The following MORN1 variants were observed in gnomAD, a reference collection of about 807,000 sequenced individuals.
MORN1 encodes the protein MORN repeat-containing protein 1.
MORN1 carries 67 observed loss-of-function variants against 61.9 expected under a neutral mutation model. The observed-to-expected ratio is 1.08, with a 90% CI of 0.89 to 1.33. The LOEUF is 1.33. Ranked by LOEUF, MORN1 falls within the 40% of genes most tolerant of loss-of-function variation. MORN1 has a pLI of 0.00. For synonymous variants in MORN1, 301 were observed against 292.0 expected, an observed-to-expected ratio of 1.03 and a Z score of -0.31; for missense variants, 752 against 691.2, an observed-to-expected ratio of 1.09 and a Z score of -0.99.
intron 4 of MORN1, chr1:2,386,100 G>C (rs559390948): frequency 1.7e-6 from 1 of 579,572 alleles, no homozygotes; most frequent in Non-Finnish European, 3.1e-6. Flanking sequence ...GGCTCTGAAC[G>C]GGAAGGGCAG....
chr1:2,361,249 C>A (rs2840540), intron 8 of MORN1, among the ~76,000 whole-genome samples: 1 of 152,044 alleles, frequency 6.6e-6, no homozygotes, highest in Non-Finnish European at 1.5e-5. Flanking sequence ...TAAATAGACA[C>A]ACAGAAGATA....
chr1:2,335,846 C>CGCAGCCCA (rs1553208714), intron 12 of MORN1, among the ~76,000 whole-genome samples: 4 of 149,930 alleles, frequency 2.7e-5, no homozygotes, highest in African/African-American at 1.0e-4. Context: ...CCCAGCCCAG[C>CGCAGCCCA]GCGCAGCTGC....
chr1:2,345,172 G>T (rs547600675), intron 10 of MORN1, among the ~76,000 whole-genome samples: 43 of 152,358 alleles, frequency 2.8e-4, no homozygotes, highest in South Asian at 2.1e-3. Flanking sequence ...GCTCACCTGC[G>T]CTCATGGATG....
At chr1:2,369,013 C>T (rs1408543919) in intron 8 of MORN1, among the ~76,000 whole-genome samples, 1 of 147,500 alleles carries the variant, frequency 6.8e-6, no homozygotes, top group East Asian at 2.0e-4. Flanking sequence ...GCTGAGATTG[C>T]ACCACTGCAC....
intron 10 of MORN1, among the ~76,000 whole-genome samples, chr1:2,346,916 C>T (rs868227812): frequency 1.7e-4 from 26 of 152,344 alleles, no homozygotes; most frequent in Admixed American, 6.5e-4. Flanking sequence ...CCCGGCCCAG[C>T]TCCCACTAGC....
chr1:2,390,468 A>G, intron 1 of MORN1: 1 of 985,432 alleles, frequency 1.0e-6, no homozygotes. Flanking sequence ...CTCATACCCA[A>G]GGATGGCCTG....
intron 10 of MORN1, among the ~76,000 whole-genome samples, chr1:2,353,329 G>A (rs1442210970): frequency 2.6e-5 from 4 of 152,242 alleles, no homozygotes; most frequent in Non-Finnish European, 5.9e-5. Context: ...GCTAAAGCCG[G>A]CCCCCCTGTC....
chr1:2,385,876 C>T lies in MORN1; in HGVS notation c.380G>A (p.Arg127Gln), dbSNP rs558330061. 5.1e-5 allele frequency: 82 copies of T among 1,613,948 alleles called. No homozygotes were observed. The South Asian group carries it at 5.8e-4, about 11-fold the overall frequency. ...MREGHGFLVD[R>Q]DGQVYQGSFH... ...GGAGCCCTGGTACACTTGTCCATCC[C>T]GGTCCACCAGAAACCCGTGTCCTGG... is the stretch of plus-strand genomic sequence containing the variant. The change falls in exon 5 of 14, where the codon CGG becomes CAG. Residue 127 changes from arginine to glutamine, a missense_variant. Arg to Gln is a conservative substitution (Grantham distance 43, BLOSUM62 1). Coordinates refer to ENST00000378531, the MANE Select transcript of MORN1 (RefSeq NM_024848.3).
intron 8 of MORN1, among the ~76,000 whole-genome samples, chr1:2,365,435 T>A (rs1459019854): frequency 7.1e-6 from 1 of 141,412 alleles, no homozygotes; most frequent in Non-Finnish European, 1.5e-5. Context: ...TGAAGTTGCT[T>A]ATCAGCTTAA....
At position 2,358,682 on chromosome 1, in the gene MORN1, C is replaced by A; in HGVS notation, c.779G>T (p.Gly260Val). The change falls in exon 9 of 14, where the codon GGC becomes GTC. Residue 260 changes from glycine (G) to valine (V), a missense_variant. Transcript: ENST00000378531. ...GGCTGACAGCTGCACGTATCTGACG[C>A]CCGCTGAGATCTGCAGGACCCGGCC... The part of the protein sequence containing the change: ...ESGRVLQISA[G>V]VRYVQLSAYS... 1 of 1,613,602 alleles carries A rather than the reference C, an allele frequency of 6.2e-7. No individual in the cohort carries two copies. The highest frequency in any genetic ancestry group is 1.6e-4 in the Middle Eastern group (1 of 6,062).
At chr1:2,385,769 G>A in intron 5 of MORN1, 38 bp downstream of exon 5, 1 of 1,582,086 alleles carries the variant, frequency 6.3e-7, no homozygotes, top group Non-Finnish European at 8.7e-7. Context: ...CTGTGTATCT[G>A]TCATGCGCCA....
intron 8 of MORN1, among the ~76,000 whole-genome samples, chr1:2,359,531 G>C (rs1337509026): frequency 6.6e-6 from 1 of 152,202 alleles, no homozygotes; most frequent in Non-Finnish European, 1.5e-5. Flanking sequence ...ATAGCAGGGA[G>C]GAGTGGCTTG....
chr1:2,336,648 G>C, intron 11 of MORN1, 69 bp downstream of exon 11: 5 of 1,572,048 alleles, frequency 3.2e-6, no homozygotes, highest in Admixed American at 1.7e-5. Context: ...CCTGGGTGTT[G>C]AGGTGGTGGG....
chr1:2,373,494 T>C (rs1225874336), intron 7 of MORN1, among the ~76,000 whole-genome samples: 1 of 152,112 alleles, frequency 6.6e-6, no homozygotes, highest in Non-Finnish European at 1.5e-5. Context: ...AGAGACTTTT[T>C]TGGGAGGAGG....
intron 12 of MORN1, among the ~76,000 whole-genome samples, chr1:2,326,882 A>G (rs1641036899): frequency 6.6e-6 from 1 of 152,242 alleles, no homozygotes; most frequent in Non-Finnish European, 1.5e-5. Context: ...GTGAAGACAC[A>G]GCGACCCGGG....
At chr1:2,341,913 G>C (rs1641403497) in intron 10 of MORN1, among the ~76,000 whole-genome samples, 1 of 152,344 alleles carries the variant, frequency 6.6e-6, no homozygotes, top group East Asian at 1.9e-4. Context: ...GGATGTGTCA[G>C]CTCATCAAAC....
intron 6 of MORN1, chr1:2,378,985 AAC>A (rs1366485593): frequency 2.1e-6 from 1 of 470,196 alleles, no homozygotes; most frequent in South Asian, 1.5e-5. Context: ...AAGAAGCTGT[AAC>A]ACGTTTATTT....
At position 2,334,640 on chromosome 1, in the gene MORN1, G is replaced by A. The variant is rs1434006808; in HGVS notation, c.1250+1829C>T. On this transcript the variant is annotated intron_variant, in intron 12 of 13. Coordinates refer to ENST00000378531, the MANE Select transcript of MORN1 (RefSeq NM_024848.3). The surrounding 1 kb of genome is among the most constrained non-coding windows in gnomAD (Gnocchi z 5.4). Reference sequence around the variant, plus strand: ...GGGGAAGTGGCCGCTGGTCACAGATGTGTGCCCCGAAGAGACGACATCATT... The same window carrying A: ...GGGGAAGTGGCCGCTGGTCACAGATATGTGCCCCGAAGAGACGACATCATT... Among the ~76,000 whole-genome samples the A allele has an allele frequency of 6.6e-6, 1 of 152,174 alleles. No individual in the cohort carries two copies. Among genetic ancestry groups the A allele is most frequent in the African/African-American group, 2.4e-5 (1 of 41,442 alleles).
intron 12 of MORN1, among the ~76,000 whole-genome samples, 154 bp downstream of exon 12, chr1:2,336,314 CG>C (rs1176367739): frequency 3.3e-5 from 5 of 152,164 alleles, no homozygotes; most frequent in Non-Finnish European, 5.9e-5. Flanking sequence ...CCCTGGCTGG[CG>C]GGGGGGCTCT....
Sources: allele counts gnomAD v4.1 joint callset (sites outside exome capture counted in the v4.1 genomes callset), GRCh38; gene constraint gnomAD v4.1.1; non-coding constraint Gnocchi (gnomAD v3.1); transcripts MANE v1.5; gene names NCBI Gene and HGNC (gene_info 2026-07-23, HGNC 2026-07-21).